Variants in ACVR1C observed in about 807,000 individuals in gnomAD.
ACVR1C encodes activin receptor type-1C.
ACVR1C carries 23 observed loss-of-function variants against 57.9 expected under a neutral mutation model. That is an observed-to-expected ratio of 0.40 (90% CI 0.29 to 0.56). ACVR1C has a LOEUF of 0.56. Ranked by LOEUF, ACVR1C falls within the 20% of genes least tolerant of loss-of-function variation. The pLI, the probability that ACVR1C is intolerant of heterozygous loss-of-function variation, is 0.50. For synonymous variants in ACVR1C, 214 were observed against 215.3 expected, an observed-to-expected ratio of 0.99 and a Z score of 0.05; for missense variants, 480 against 607.9, an observed-to-expected ratio of 0.79 and a Z score of 2.21.
chr2:157,588,681 G>A (rs1688985134), intron 1 of ACVR1C, among the ~76,000 whole-genome samples: 1 of 143,420 alleles, frequency 7.0e-6, no homozygotes, highest in East Asian at 2.1e-4. Context: ...TATTAGTGAA[G>A]ACATGCAGTA....
At chr2:157,574,012 A>G (rs947544742) in intron 2 of ACVR1C, among the ~76,000 whole-genome samples, 8 of 152,202 alleles carry the variant, frequency 5.3e-5, no homozygotes, top group African/African-American at 1.9e-4. Context: ...AATAAATAAG[A>G]AAAGCCCATG....
chr2:157,551,279 C>T lies in ACVR1C; in HGVS notation c.545-887G>A, dbSNP rs144173532. On this transcript the variant is annotated intron_variant, in intron 3 of 8. Transcript: ENST00000243349. ...AAAACTGGGGATAATCAATATTACG[C>T]ATCTCGCAGAGATGATATGAGAATT... 7.8e-3 allele frequency among the ~76,000 whole-genome samples: 1,183 copies of T among 152,218 alleles called. 21 individuals are homozygous for T. The highest frequency in any genetic ancestry group is 0.027 in the African/African-American group (1,129 of 41,542).
Position 157,550,174 on chromosome 2 carries a change from C to G in ACVR1C, c.763G>C (p.Ala255Pro). Reference protein sequence around the residue: ...RHENILGFIAADNKDNGTWTQ... With the variant: ...RHENILGFIAPDNKDNGTWTQ... ...AGATTGGAAATACCTTTGTTGTCAG[C>G]AGCAATGAAACCAAGGATGTTTTCA... Residue 255 changes from alanine (A) to proline (P), a missense_variant, in exon 4 of 9, where the codon GCT (alanine) becomes CCT (proline). By Grantham distance (27) the Ala-to-Pro change is conservative. Transcript: ENST00000243349. 1 of 1,613,896 alleles carries G rather than the reference C, an allele frequency of 6.2e-7. No individual in the cohort carries two copies. The highest frequency in any genetic ancestry group is 8.5e-7 in the Non-Finnish European group (1 of 1,179,940).
intron 1 of ACVR1C, among the ~76,000 whole-genome samples, chr2:157,591,345 T>C (rs1407255983): frequency 6.6e-6 from 1 of 151,976 alleles, no homozygotes; most frequent in Non-Finnish European, 1.5e-5. Flanking sequence ...AACTTGCTGA[T>C]TGACTTTGGA....
At chr2:157,555,170 C>A (rs1688069566) in intron 3 of ACVR1C, among the ~76,000 whole-genome samples, 1 of 128,062 alleles carries the variant, frequency 7.8e-6, no homozygotes, top group Non-Finnish European at 1.6e-5. Context: ...GGACTGCGGA[C>A]TGCAGTGGCG....
rs961390323 is a variant in ACVR1C at position 157,529,090 on chromosome 2, G to C, written c.*4828C>G. On this transcript the variant is annotated 3_prime_UTR_variant, in exon 9 of 9. Transcript: ENST00000243349. ...GGAAAAAAAAGAGAAAGAGAGAAAA[G>C]TTAGATAATATCCCACTGGACATAG... The C allele has an allele frequency of 6.6e-6, 1 of 152,076 alleles. No individual in the cohort carries two copies. Among genetic ancestry groups the C allele is most frequent in the African/African-American group, 2.4e-5 (1 of 41,420 alleles). 9.4% of individuals were successfully genotyped at this position (152,076 alleles called of 1,614,324 possible).
Position 157,527,033 on chromosome 2 carries a change from A to C in ACVR1C, c.*6885T>G, listed in dbSNP as rs1687245362. ...CATTTTGGTATAAAGGCTATCACTG[A>C]GTTTTTAATAAATTCTAAAACACTA... On this transcript the variant is annotated 3_prime_UTR_variant, in exon 9 of 9. Coordinates refer to ENST00000243349, the MANE Select transcript of ACVR1C (RefSeq NM_145259.3). 1 of 152,172 alleles carries C rather than the reference A, an allele frequency of 6.6e-6. No individual in the cohort carries two copies. The highest frequency in any genetic ancestry group is 2.4e-5 in the African/African-American group (1 of 41,448). The allele number at this position is 152,172 out of a possible 1,614,324, so 9.4% of individuals were successfully genotyped here. A position where few individuals can be genotyped will look rare whatever the true frequency, so the allele number is the denominator to read the frequency against.
Position 157,541,096 on chromosome 2 carries a change from C to A in ACVR1C, c.1219G>T (p.Val407Phe), listed in dbSNP as rs1473789762. 6.2e-7 allele frequency: 1 copy of A among 1,612,482 alleles called. No individual in the cohort carries two copies. The highest frequency in any genetic ancestry group is 8.5e-7 in the Non-Finnish European group (1 of 1,179,574). The stretch of plus-strand genomic sequence containing the variant: ...GATATTTCCAAAATTTTACCTCCGA[C>A]TGAACACCTCCGGGCTATTTCCCAG... Reference protein sequence around the residue: ...VYWEIARRCSVGGIVEEYQLP... With the variant: ...VYWEIARRCSFGGIVEEYQLP... The change falls in exon 7 of 9, where the codon GTC (valine) becomes TTC (phenylalanine). Residue 407 changes from valine (V) to phenylalanine (F), a missense_variant. Val to Phe is a conservative substitution (Grantham distance 50). Transcript: ENST00000243349.
At chr2:157,534,132 A>T in intron 8 of ACVR1C, 89 bp from the exon 9 acceptor site, 3 of 1,137,816 alleles carry the variant, frequency 2.6e-6, no homozygotes, top group Non-Finnish European at 3.4e-6. Context: ...CCAGGAATTG[A>T]TGCTAAGCTT....
intron 8 of ACVR1C, among the ~76,000 whole-genome samples, chr2:157,536,228 C>A (rs530830592): frequency 4.4e-4 from 67 of 152,012 alleles, no homozygotes; most frequent in South Asian, 2.5e-3. Flanking sequence ...GTAATAGAAA[C>A]AATGAGAGAA....
intron 2 of ACVR1C, among the ~76,000 whole-genome samples, chr2:157,562,534 C>T (rs1688266834): frequency 6.6e-6 from 1 of 150,428 alleles, no homozygotes; most frequent in Non-Finnish European, 1.5e-5. Flanking sequence ...AAGCCCAGGA[C>T]CAGACGTACA....
chr2:157,529,265 T>G lies in ACVR1C; in HGVS notation c.*4653A>C, dbSNP rs1383997893. 6.6e-6 allele frequency: 1 copy of G among 152,094 alleles called. No individual in the cohort carries two copies. Among genetic ancestry groups the G allele is most frequent in the Non-Finnish European group, 1.5e-5 (1 of 67,988 alleles). The allele number at this position is 152,094 out of a possible 1,614,324, so 9.4% of individuals were successfully genotyped here. A position where few individuals can be genotyped will look rare whatever the true frequency, so the allele number is the denominator to read the frequency against. On this transcript the variant is annotated 3_prime_UTR_variant, in exon 9 of 9. Coordinates refer to ENST00000243349, the MANE Select transcript of ACVR1C (RefSeq NM_145259.3). ...TCTATACTCTCACAGTTCCTAAATT[T>G]TATCCATTAATTTTATCAGCACCCC...
At chr2:157,546,017 G>A (rs769600989) in intron 4 of ACVR1C, among the ~76,000 whole-genome samples, 96 of 152,168 alleles carry the variant, frequency 6.3e-4, no homozygotes, top group Non-Finnish European at 9.9e-4. Flanking sequence ...CCTGACCTCA[G>A]GTGATCCACC....
At chr2:157,565,159 G>C (rs1446133203) in intron 2 of ACVR1C, among the ~76,000 whole-genome samples, 2 of 151,918 alleles carry the variant, frequency 1.3e-5, no homozygotes, top group Admixed American at 1.3e-4. Flanking sequence ...TGGGGGAGGA[G>C]GGAAATAAGA....
At chr2:157,611,431 T>C (rs957151526) in intron 1 of ACVR1C, among the ~76,000 whole-genome samples, 3 of 152,142 alleles carry the variant, frequency 2.0e-5, no homozygotes, top group Non-Finnish European at 4.4e-5. Context: ...GGGCTGAGCA[T>C]GCCTGTCGTT....
At chr2:157,539,866 TATC>T (rs1687580996) in intron 7 of ACVR1C, among the ~76,000 whole-genome samples, 1 of 152,208 alleles carries the variant, frequency 6.6e-6, no homozygotes, top group African/African-American at 2.4e-5. Context: ...TGTTTTATAA[TATC>T]ATCTATGAAT....
chr2:157,589,541 A>G (rs1225603614), intron 1 of ACVR1C, among the ~76,000 whole-genome samples: 1 of 152,022 alleles, frequency 6.6e-6, no homozygotes, highest in Non-Finnish European at 1.5e-5. Flanking sequence ...TGACACAAAC[A>G]AATGGAAAAA....
chr2:157,545,129 T>A (rs1015858480), intron 4 of ACVR1C, among the ~76,000 whole-genome samples: 2 of 152,214 alleles, frequency 1.3e-5, no homozygotes, highest in Admixed American at 1.3e-4. Flanking sequence ...CAAAAGCTTA[T>A]AGTAAGAGCC....
At chr2:157,580,587 G>C (rs1415256371) in intron 2 of ACVR1C, among the ~76,000 whole-genome samples, 1 of 152,128 alleles carries the variant, frequency 6.6e-6, no homozygotes, top group African/African-American at 2.4e-5. Context: ...ACATAAAAAT[G>C]CTGAATAAAA....
Sources: allele counts gnomAD v4.1 joint callset (sites outside exome capture counted in the v4.1 genomes callset), GRCh38; gene constraint gnomAD v4.1.1; transcripts MANE v1.5; gene names NCBI Gene and HGNC (gene_info 2026-07-23, HGNC 2026-07-21).